Variants in NLGN1 observed in about 807,000 individuals in gnomAD.
NLGN1 encodes neuroligin 1.
In NLGN1, 12 loss-of-function variants were observed where a neutral mutation model predicts 65.5. The observed-to-expected ratio is 0.18, with a 90% CI of 0.12 to 0.30. The LOEUF is 0.30. NLGN1 is among the 10% of genes least tolerant of loss of function. NLGN1 has a pLI of 1.00. For synonymous variants in NLGN1, 350 were observed against 359.5 expected, an observed-to-expected ratio of 0.97 and a Z score of 0.30; for missense variants, 750 against 1,007.1, an observed-to-expected ratio of 0.74 and a Z score of 3.46.
intron 3 of NLGN1, among the ~76,000 whole-genome samples, chr3:173,797,257 C>A (rs962873914): frequency 6.6e-6 from 1 of 152,114 alleles, no homozygotes; most frequent in African/African-American, 2.4e-5. Flanking sequence ...AATCTGTGTT[C>A]TTTCTTCTTA....
chr3:174,102,662 G>A (rs926206174), intron 4 of NLGN1, among the ~76,000 whole-genome samples: 3 of 152,136 alleles, frequency 2.0e-5, no homozygotes, highest in Non-Finnish European at 2.9e-5. Flanking sequence ...CCAATTGCAG[G>A]TGCTACCTGG....
At chr3:173,786,696 C>T (rs969717842) in intron 3 of NLGN1, among the ~76,000 whole-genome samples, 11 of 152,108 alleles carry the variant, frequency 7.2e-5, no homozygotes, top group African/African-American at 2.7e-4. Flanking sequence ...ATTTCTTAAC[C>T]TGTATCAGAA....
At chr3:173,783,725 C>A (rs528866271) in intron 3 of NLGN1, among the ~76,000 whole-genome samples, 26 of 152,290 alleles carry the variant, frequency 1.7e-4, no homozygotes, top group African/African-American at 6.3e-4. Flanking sequence ...AGCGATTCTC[C>A]AGCCTCAGCC....
At chr3:174,056,185 T>C (rs1028597350) in intron 4 of NLGN1, among the ~76,000 whole-genome samples, 2 of 152,190 alleles carry the variant, frequency 1.3e-5, no homozygotes, top group Non-Finnish European at 2.9e-5. Flanking sequence ...AGCAAATTCT[T>C]AACTATAACA....
intron 4 of NLGN1, among the ~76,000 whole-genome samples, chr3:174,139,682 C>T (rs563901100): frequency 5.3e-5 from 8 of 152,048 alleles, no homozygotes; most frequent in South Asian, 2.1e-4. Context: ...TGGTAAGAAA[C>T]GCCAAAATGT....
intron 4 of NLGN1, among the ~76,000 whole-genome samples, chr3:173,865,566 A>T (rs190780568): frequency 2.0e-5 from 3 of 152,132 alleles, no homozygotes; most frequent in African/African-American, 7.2e-5. Flanking sequence ...AACTTGCAGC[A>T]CTGATAGATT....
chr3:174,163,432 T>A (rs887997728), intron 4 of NLGN1, among the ~76,000 whole-genome samples: 3 of 152,038 alleles, frequency 2.0e-5, no homozygotes, highest in Non-Finnish European at 4.4e-5. Context: ...ATTTAATTAC[T>A]CTTTTCCAAC....
chr3:173,618,435 G>A (rs1216924055), intron 3 of NLGN1, among the ~76,000 whole-genome samples: 2 of 152,050 alleles, frequency 1.3e-5, no homozygotes, highest in Non-Finnish European at 2.9e-5. Flanking sequence ...GACTGCAAGC[G>A]ATCCTCCTTC....
intron 4 of NLGN1, among the ~76,000 whole-genome samples, chr3:173,841,109 C>T (rs1053496418): frequency 6.8e-6 from 1 of 147,766 alleles, no homozygotes. Context: ...TACTTTAAAA[C>T]TCTACCAAAT....
At chr3:173,697,345 C>G (rs533196349) in intron 3 of NLGN1, among the ~76,000 whole-genome samples, 1 of 151,896 alleles carries the variant, frequency 6.6e-6, no homozygotes, top group Non-Finnish European at 1.5e-5. Context: ...GGCAATCTGC[C>G]CTACCTTTAC....
intron 3 of NLGN1, among the ~76,000 whole-genome samples, chr3:173,720,199 A>G (rs2149998601): frequency 6.6e-6 from 1 of 152,318 alleles, no homozygotes; most frequent in East Asian, 1.9e-4. Flanking sequence ...AGGATGCCTG[A>G]ATGTGGTAAA....
chr3:173,918,660 ATGTGTGTGTG>A (rs71162369), intron 4 of NLGN1, among the ~76,000 whole-genome samples: 169 of 111,808 alleles, frequency 1.5e-3, no homozygotes, highest in African/African-American at 4.7e-3. Context: ...AGAAATACAT[ATGTGTGTGTG>A]TGTGTGTGTG....
intron 3 of NLGN1, among the ~76,000 whole-genome samples, chr3:173,777,695 T>C (rs540800127): frequency 6.6e-6 from 1 of 151,746 alleles, no homozygotes; most frequent in East Asian, 1.9e-4. Context: ...TTTTTAGAAA[T>C]CCATTCATCC....
chr3:173,784,066 A>T (rs907657306), intron 3 of NLGN1, among the ~76,000 whole-genome samples: 3 of 152,246 alleles, frequency 2.0e-5, no homozygotes, highest in African/African-American at 7.2e-5. Flanking sequence ...ATGCACTGAT[A>T]GGAGTCATAA....
At chr3:173,987,805 T>G (rs1720267282) in intron 4 of NLGN1, among the ~76,000 whole-genome samples, 1 of 152,190 alleles carries the variant, frequency 6.6e-6, no homozygotes, top group Non-Finnish European at 1.5e-5. Flanking sequence ...ACTTAATTCT[T>G]TTTGGCATTT....
intron 4 of NLGN1, among the ~76,000 whole-genome samples, chr3:173,980,583 TA>T (rs1247021019): frequency 4.6e-5 from 7 of 152,114 alleles, no homozygotes; most frequent in African/African-American, 1.7e-4. Context: ...TTCCTTAGGA[TA>T]CATACCTATG....
At chr3:173,607,930 TG>T (rs1343039163) in intron 3 of NLGN1, among the ~76,000 whole-genome samples, 3 of 151,894 alleles carry the variant, frequency 2.0e-5, no homozygotes, top group Non-Finnish European at 4.4e-5. Context: ...CAGAGACAGA[TG>T]GACTCCCATC....
At chr3:174,052,810 A>G (rs897262081) in intron 4 of NLGN1, among the ~76,000 whole-genome samples, 7 of 152,042 alleles carry the variant, frequency 4.6e-5, no homozygotes, top group African/African-American at 1.7e-4. Flanking sequence ...AACAAAATTC[A>G]CTATCAGTAA....
intron 4 of NLGN1, among the ~76,000 whole-genome samples, chr3:174,090,193 G>A (rs998242812): frequency 5.3e-5 from 8 of 152,184 alleles, no homozygotes; most frequent in South Asian, 2.1e-4. Flanking sequence ...ACTAAGGTCC[G>A]GGCGAGGTGG....
Sources: gnomAD v4.1 joint callset for allele counts (sites outside exome capture counted in the v4.1 genomes callset) on GRCh38, gnomAD v4.1.1 for gene constraint, MANE v1.5 for transcripts, NCBI Gene and HGNC (gene_info 2026-07-23, HGNC 2026-07-21) for gene names.